Variants in BRINP3 observed in about 807,000 individuals in gnomAD.
BRINP3 encodes the protein BMP/retinoic acid inducible neural specific 3, also known as BMP/retinoic acid-inducible neural-specific protein 3.
BRINP3 carries 19 observed loss-of-function variants against 71.0 expected under a neutral mutation model. The observed-to-expected ratio is 0.27, with a 90% CI of 0.19 to 0.39. The LOEUF is 0.39. Among genes scored for constraint, BRINP3 ranks in the 10% least tolerant of loss-of-function variants. The probability of loss-of-function intolerance (pLI) is 1.00; values close to 1 mark genes in which losing one functional copy is unlikely to be tolerated. For synonymous variants in BRINP3, 380 were observed against 337.7 expected (o/e 1.13, Z -1.37); for missense variants, 959 against 940.8 (o/e 1.02, Z -0.25).
intron 2 of BRINP3, among the ~76,000 whole-genome samples, chr1:190,411,149 T>C (rs921253401): frequency 2.0e-5 from 3 of 152,000 alleles, no homozygotes; most frequent in Admixed American, 6.6e-5. Context: ...AAACATACCA[T>C]ACATTAATGA....
intron 2 of BRINP3, among the ~76,000 whole-genome samples, chr1:190,412,466 GTTT>G (rs1216884351): frequency 1.9e-5 from 2 of 106,000 alleles, no homozygotes; most frequent in Admixed American, 9.7e-5. Context: ...GTTTTTTTTT[GTTT>G]TTTTTTTTTT....
At chr1:190,406,598 C>T (rs186494256) in intron 2 of BRINP3, among the ~76,000 whole-genome samples, 167 of 152,070 alleles carry the variant, frequency 1.1e-3, no homozygotes, top group African/African-American at 3.0e-3. Context: ...GTGACATATA[C>T]CAGTTAATTT....
In BRINP3 at chr1:190,373,432, A is replaced by ATGTG. The variant is rs1433310827; in HGVS notation, c.236+81222_236+81223insCACA. Among the ~76,000 whole-genome samples, 8 of 130,412 alleles carry ATGTG rather than the reference A, an allele frequency of 6.1e-5. No individual in the cohort carries two copies. The East Asian group carries it at 9.1e-4, about 15-fold the overall frequency. The allele number at this position is 130,412 out of a possible 152,430, so 85.6% of individuals were successfully genotyped here. On this transcript the variant is annotated intron_variant, in intron 2 of 7. Transcript: ENST00000367462. ...TAGATAATTCCTTAATTATATATAT[A>ATGTG]TATGTGTGTGTGTGTGTGTGTGTGT...
At chr1:190,202,587 C>T (rs910526002) in intron 6 of BRINP3, among the ~76,000 whole-genome samples, 15 of 152,068 alleles carry the variant, frequency 9.9e-5, no homozygotes, top group African/African-American at 3.4e-4. Flanking sequence ...CATATTGTAG[C>T]TCCCATAATT....
chr1:190,350,459 G>A (rs570295923), intron 2 of BRINP3, among the ~76,000 whole-genome samples: 17 of 152,078 alleles, frequency 1.1e-4, no homozygotes, highest in Non-Finnish European at 2.2e-4. Context: ...TTACACAATA[G>A]AAAATAAGAA....
At chr1:190,301,127 TTACA>T (rs779938237) in intron 2 of BRINP3, among the ~76,000 whole-genome samples, 9 of 143,974 alleles carry the variant, frequency 6.3e-5, no homozygotes, top group South Asian at 2.2e-4. Flanking sequence ...ATTGATGGCT[TTACA>T]TACATATATA....
At chr1:190,473,297 A>G (rs1677265338) in intron 1 of BRINP3, among the ~76,000 whole-genome samples, 1 of 152,018 alleles carries the variant, frequency 6.6e-6, no homozygotes, top group Non-Finnish European at 1.5e-5. Context: ...TTTTGCATCC[A>G]ACTAAGAAAA....
At chr1:190,459,151 T>A (rs1013238707) in intron 1 of BRINP3, among the ~76,000 whole-genome samples, 77 of 144,400 alleles carry the variant, frequency 5.3e-4, no homozygotes, top group African/African-American at 1.8e-3. Flanking sequence ...AAAAAAAAAA[T>A]AACTGTGAAG....
intron 6 of BRINP3, among the ~76,000 whole-genome samples, chr1:190,188,400 C>T (rs186582704): frequency 2.8e-4 from 42 of 152,202 alleles, no homozygotes; most frequent in Admixed American, 6.5e-4. Flanking sequence ...TCCAGTAATA[C>T]GCTGAATGGA....
chr1:190,153,563 G>T (rs1204175628), intron 7 of BRINP3, among the ~76,000 whole-genome samples: 1 of 152,072 alleles, frequency 6.6e-6, no homozygotes, highest in African/African-American at 2.4e-5. Flanking sequence ...AATAATAAAA[G>T]ATCATTTTAT....
At chr1:190,370,605 C>T (rs1558226205) in intron 2 of BRINP3, among the ~76,000 whole-genome samples, 1 of 152,184 alleles carries the variant, frequency 6.6e-6, no homozygotes, top group Admixed American at 6.5e-5. Flanking sequence ...AATAACCAGA[C>T]TTATGCGAAA....
intron 7 of BRINP3, among the ~76,000 whole-genome samples, chr1:190,110,889 A>C (rs1652609079): frequency 6.6e-6 from 1 of 152,194 alleles, no homozygotes; most frequent in Non-Finnish European, 1.5e-5. Flanking sequence ...CTTCTAGCAC[A>C]AGATAAACCT....
At chr1:190,159,726 A>T (rs538031498) in intron 7 of BRINP3, among the ~76,000 whole-genome samples, 5 of 151,964 alleles carry the variant, frequency 3.3e-5, no homozygotes, top group Non-Finnish European at 7.4e-5. Context: ...TTGGTAATCC[A>T]TTCCTTTTTG....
At chr1:190,421,322 ATTATTG>A (rs998105166) in intron 2 of BRINP3, among the ~76,000 whole-genome samples, 7 of 120,134 alleles carry the variant, frequency 5.8e-5, no homozygotes, top group African/African-American at 1.7e-4. Flanking sequence ...TATTATTATT[ATTATTG>A]CCAGTTGAGG....
chr1:190,476,360 C>T (rs930057373), intron 1 of BRINP3, among the ~76,000 whole-genome samples: 6 of 151,370 alleles, frequency 4.0e-5, no homozygotes, highest in Non-Finnish European at 5.9e-5. Context: ...AATTTGAGGG[C>T]GGGGGGCGGA....
intron 2 of BRINP3, among the ~76,000 whole-genome samples, chr1:190,291,193 T>A (rs561968355): frequency 3.3e-5 from 5 of 152,234 alleles, no homozygotes; most frequent in African/African-American, 1.2e-4. Context: ...TATTTCACAT[T>A]TCTTAAAAGA....
At chr1:190,149,027 A>G (rs1198788349) in intron 7 of BRINP3, among the ~76,000 whole-genome samples, 2 of 152,208 alleles carry the variant, frequency 1.3e-5, no homozygotes, top group East Asian at 3.8e-4. Context: ...ATTTGTTTAG[A>G]TTATCAAAAC....
At chr1:190,399,790 T>A (rs1448243950) in intron 2 of BRINP3, among the ~76,000 whole-genome samples, 3 of 152,034 alleles carry the variant, frequency 2.0e-5, no homozygotes, top group South Asian at 4.1e-4. Context: ...ATAAGACACA[T>A]AAGCCATAAT....
At chr1:190,147,032 G>A (rs1468071659) in intron 7 of BRINP3, among the ~76,000 whole-genome samples, 2 of 151,890 alleles carry the variant, frequency 1.3e-5, no homozygotes, top group Non-Finnish European at 2.9e-5. Context: ...CCTTGTGGAT[G>A]TATTCTTTTC....
Sources: allele counts gnomAD v4.1 joint callset (sites outside exome capture counted in the v4.1 genomes callset), GRCh38; gene constraint gnomAD v4.1.1; transcripts MANE v1.5; gene names NCBI Gene and HGNC (gene_info 2026-07-23, HGNC 2026-07-21).